Variants in USP48 observed in about 807,000 individuals in gnomAD.
USP48 encodes ubiquitin specific peptidase 48.
Under a neutral mutation model 150.7 loss-of-function variants are expected in USP48, and 43 were observed. The ratio of observed to expected loss-of-function variants is 0.29; its 90% CI spans 0.22 to 0.37. The LOEUF (loss-of-function observed/expected upper bound fraction) is 0.37, where lower values mean the gene tolerates loss of function less well. USP48 is among the 10% of genes least tolerant of loss of function. The pLI is 1.00. For missense variants in USP48, 813 were observed against 1,249.6 expected (o/e 0.65, Z 5.27); for synonymous variants, 396 against 425.9 (o/e 0.93, Z 0.86).
intron 1 of USP48, among the ~76,000 whole-genome samples, chr1:21,769,593 A>G (rs76880183): frequency 0.076 from 11,589 of 152,060 alleles, 499 homozygotes; most frequent in Middle Eastern, 0.11. Context: ...TTGTATATTT[A>G]TACAGATGGG....
intron 14 of USP48, 71 bp downstream of exon 14, chr1:21,720,965 A>C: frequency 2.5e-4 from 396 of 1,576,378 alleles, no homozygotes; most frequent in Non-Finnish European, 3.1e-4. Context: ...CGAATGAGCC[A>C]CCGTGCCTGG....
chr1:21,735,890 A>G (rs2097767864), intron 9 of USP48, among the ~76,000 whole-genome samples: 1 of 151,532 alleles, frequency 6.6e-6, no homozygotes. Context: ...GAGCGGAAAA[A>G]AAAAAAAAAA....
chr1:21,779,017 G>A (rs1002915304), intron 1 of USP48, among the ~76,000 whole-genome samples: 8 of 151,846 alleles, frequency 5.3e-5, no homozygotes, highest in Admixed American at 2.6e-4. Flanking sequence ...TCCTGACCTC[G>A]TGATCCGCCA....
In USP48 at chr1:21,722,120, C is replaced by T. The variant is rs1165304356; in HGVS notation, c.1649-356G>A. Among the ~76,000 whole-genome samples the T allele has an allele frequency of 2.0e-5, 3 of 151,824 alleles. 1 individual carries two copies. The highest frequency in any genetic ancestry group is 4.2e-4 in the South Asian group (2 of 4,808). On this transcript the variant is annotated intron_variant, in intron 12 of 26. Transcript: ENST00000308271. ...GCTGATAATTATAAATAATGATCTT[C>T]ATGTGAAAGTGATCTTCAAAGCACA...
chr1:21,739,259 C>T (rs1483920149), intron 8 of USP48, among the ~76,000 whole-genome samples: 1 of 151,898 alleles, frequency 6.6e-6, no homozygotes, highest in African/African-American at 2.4e-5. Context: ...GTGGCTCACA[C>T]CTAAATCCCA....
In USP48 at chr1:21,723,887, T is replaced by A. The variant is rs768595228; in HGVS notation, c.1648+11A>T. ...TGCTCTTTTTTAAACAGAGAGGACA[T>A]CTTGAATTACCAGTTAGTCTTGGAC... On this transcript the variant is annotated intron_variant, in intron 12 of 26. Coordinates refer to ENST00000308271, the MANE Select transcript of USP48 (RefSeq NM_032236.8). 5.0e-6 allele frequency: 8 copies of A among 1,608,058 alleles called. No homozygotes were observed. Among genetic ancestry groups the A allele is most frequent in the Non-Finnish European group, 6.0e-6 (7 of 1,175,162 alleles).
chr1:21,774,089 G>A (rs1162784011), intron 1 of USP48, among the ~76,000 whole-genome samples: 1 of 151,904 alleles, frequency 6.6e-6, no homozygotes, highest in Non-Finnish European at 1.5e-5. Flanking sequence ...TGAGGCAGGA[G>A]AATCACTTGA....
chr1:21,727,936 T>C, intron 11 of USP48: 1 of 985,222 alleles, frequency 1.0e-6, no homozygotes. Context: ...ATTCATGTCT[T>C]TAAAATGACA....
chr1:21,712,897 G>C (rs542784375), intron 15 of USP48, among the ~76,000 whole-genome samples: 2 of 152,104 alleles, frequency 1.3e-5, no homozygotes, highest in Admixed American at 1.3e-4. Flanking sequence ...CAAAGTGCTG[G>C]GATTACAGGC....
At chr1:21,712,353 C>T (rs1186763930) in intron 15 of USP48, among the ~76,000 whole-genome samples, 1 of 151,656 alleles carries the variant, frequency 6.6e-6, no homozygotes, top group East Asian at 1.9e-4. Context: ...AGTGAGACGC[C>T]ATCTCAAAAA....
At chr1:21,708,241 T>TTA (rs1232722081) in intron 15 of USP48, among the ~76,000 whole-genome samples, 2 of 151,356 alleles carry the variant, frequency 1.3e-5, no homozygotes, top group East Asian at 3.9e-4. Flanking sequence ...TGGTTCACAC[T>TTA]TGTAAGCCCA....
intron 6 of USP48, among the ~76,000 whole-genome samples, chr1:21,750,983 C>CAGCTAGCT (rs199737612): frequency 3.3e-5 from 5 of 151,914 alleles, no homozygotes; most frequent in African/African-American, 1.2e-4. Context: ...TATCTGAAGA[C>CAGCTAGCT]AGCTAGCTAG....
intron 1 of USP48, among the ~76,000 whole-genome samples, chr1:21,766,176 T>C (rs2097861862): frequency 6.6e-6 from 1 of 152,132 alleles, no homozygotes; most frequent in Non-Finnish European, 1.5e-5. Flanking sequence ...AAGACCAGCC[T>C]GGCCAACGTG....
Position 21,782,880 on chromosome 1 carries a change from C to A in USP48, c.78G>T (p.Glu26Asp). 1 of 1,558,584 alleles carries A rather than the reference C, an allele frequency of 6.4e-7. No homozygotes were observed. The change falls in exon 1 of 27, where the codon GAG (glutamate) becomes GAT (aspartate). Residue 26 changes from glutamate to aspartate, a missense_variant. Physicochemically the swap from Glu to Asp is conservative, Grantham distance 45 (BLOSUM62 2). Transcript: ENST00000308271. ...ETVRPEEVSQ[E>D]HIETAYRIWL... is the part of the protein sequence containing the mutation. The stretch of plus-strand genomic sequence containing the variant: ...AGATGCGGTAAGCGGTCTCGATGTG[C>A]TCCTGCGACACCTCCTCGGGCCGCA...
rs2097559743 is a variant in USP48, at chr1:21,679,554, ACAGTCG to A, written c.3086-121_3086-116del. On this transcript the variant is annotated intron_variant, in intron 26 of 26. Transcript: ENST00000308271. ...GGAGCATCAAATTTAATAAATGAAC[ACAGTCG>A]CACCTTGGTGTGGGAGGATAAGACA... is the stretch of plus-strand genomic sequence containing the variant. 38 of 1,292,194 alleles carry A rather than the reference ACAGTCG, an allele frequency of 2.9e-5. No individual in the cohort carries two copies. The South Asian group carries it at 4.5e-4, about 15-fold the overall frequency. 80.0% of individuals were successfully genotyped at this position (1,292,194 alleles called of 1,614,324 possible).
At chr1:21,729,999 T>G (rs527363770) in intron 9 of USP48, among the ~76,000 whole-genome samples, 167 bp from the exon 10 acceptor site, 16 of 152,322 alleles carry the variant, frequency 1.1e-4, no homozygotes, top group African/African-American at 3.4e-4. Flanking sequence ...AGCTTTAATA[T>G]TTAAAAAAGT....
At chr1:21,760,116 G>A (rs1412008341) in intron 1 of USP48, among the ~76,000 whole-genome samples, 1 of 152,124 alleles carries the variant, frequency 6.6e-6, no homozygotes, top group African/African-American at 2.4e-5. Flanking sequence ...GGCCTTAATT[G>A]AATCATGAGG....
At chr1:21,755,867 T>TA (rs977798828) in intron 3 of USP48, among the ~76,000 whole-genome samples, 5 of 151,188 alleles carry the variant, frequency 3.3e-5, no homozygotes, top group Admixed American at 1.3e-4. Flanking sequence ...ACTGTCTCTA[T>TA]AAAAAAAATA....
intron 24 of USP48, among the ~76,000 whole-genome samples, chr1:21,688,527 G>A (rs927163730): frequency 5.3e-5 from 8 of 151,308 alleles, no homozygotes; most frequent in African/African-American, 1.9e-4. Context: ...TGAAAGTAGG[G>A]GCTTCTAAGA....
Sources: allele counts gnomAD v4.1 joint callset (sites outside exome capture counted in the v4.1 genomes callset), GRCh38; gene constraint gnomAD v4.1.1; transcripts MANE v1.5; gene names NCBI Gene and HGNC (gene_info 2026-07-23, HGNC 2026-07-21).